GPATCH2: variants seen among roughly 807,000 people sequenced by gnomAD.
GPATCH2 encodes the protein G patch domain-containing protein 2.
GPATCH2 carries 51 observed loss-of-function variants against 58.0 expected under a neutral mutation model. The observed-to-expected ratio is 0.88, with a 90% CI of 0.70 to 1.11. The LOEUF is 1.11. GPATCH2 is among the 50% of genes most tolerant of loss of function. The pLI, the probability that GPATCH2 is intolerant of heterozygous loss-of-function variation, is 0.00. For missense variants in GPATCH2, 625 were observed against 652.2 expected, an observed-to-expected ratio of 0.96 and a Z score of 0.45; for synonymous variants, 222 against 218.5, an observed-to-expected ratio of 1.02 and a Z score of -0.14.
chr1:217,599,761 T>G (rs1375262826), intron 5 of GPATCH2, among the ~76,000 whole-genome samples: 1 of 152,210 alleles, frequency 6.6e-6, no homozygotes, highest in Non-Finnish European at 1.5e-5. Context: ...CTGAGTCAAA[T>G]GTAACATATA....
intron 8 of GPATCH2, among the ~76,000 whole-genome samples, chr1:217,475,664 T>C (rs1006830799): frequency 1.3e-5 from 2 of 151,908 alleles, no homozygotes; most frequent in African/African-American, 4.8e-5. Flanking sequence ...ACAGAGAAAA[T>C]GGCAACTACT....
chr1:217,573,229 A>G (rs1182516975), intron 5 of GPATCH2, among the ~76,000 whole-genome samples: 1 of 152,192 alleles, frequency 6.6e-6, no homozygotes, highest in African/African-American at 2.4e-5. Context: ...TGCACTCAAA[A>G]TTAACCCCAC....
intron 5 of GPATCH2, among the ~76,000 whole-genome samples, chr1:217,543,459 C>T (rs190941245): frequency 2.8e-4 from 42 of 151,890 alleles, no homozygotes; most frequent in African/African-American, 9.9e-4. Flanking sequence ...TTAGTAGAGA[C>T]GGGGTTTCAA....
intron 9 of GPATCH2, among the ~76,000 whole-genome samples, chr1:217,438,316 C>T (rs1024614553): frequency 3.9e-5 from 6 of 152,210 alleles, no homozygotes; most frequent in East Asian, 1.9e-4. Flanking sequence ...AAAACCAGAA[C>T]GCCTCTTCTC....
intron 8 of GPATCH2, among the ~76,000 whole-genome samples, chr1:217,481,692 A>G (rs2102518069): frequency 6.6e-6 from 1 of 152,210 alleles, no homozygotes; most frequent in Admixed American, 6.5e-5. Context: ...CTCCATCTCT[A>G]CAAAAAATAA....
chr1:217,489,305 G>A (rs1661605854), intron 8 of GPATCH2, among the ~76,000 whole-genome samples: 1 of 151,754 alleles, frequency 6.6e-6, no homozygotes, highest in South Asian at 2.1e-4. Flanking sequence ...CACTGGTTTG[G>A]CAATTATATA....
rs1328989869 is a variant in GPATCH2 at position 217,468,580 on chromosome 1, GAGAT to G, written c.1278-19247_1278-19244del. ...ACACACACAGAGAGAAAGAGAAAGA[GAGAT>G]AGAAGAGAGAGCTGGAGAAGGGGAA... On this transcript the variant is annotated intron_variant, in intron 8 of 9. Transcript: ENST00000366935. 1.7e-3 allele frequency among the ~76,000 whole-genome samples: 250 copies of G among 150,686 alleles called. 1 individual carries two copies. Among genetic ancestry groups the G allele is most frequent in the African/African-American group, 5.6e-3 (230 of 40,754 alleles).
chr1:217,557,796 C>A (rs1665718932), intron 5 of GPATCH2, among the ~76,000 whole-genome samples: 1 of 152,142 alleles, frequency 6.6e-6, no homozygotes, highest in Non-Finnish European at 1.5e-5. Context: ...TATCCCTGCA[C>A]CGATACTATA....
At chr1:217,524,111 TGCC>T in intron 5 of GPATCH2, among the ~76,000 whole-genome samples, 1 of 145,412 alleles carries the variant, frequency 6.9e-6, no homozygotes, top group East Asian at 2.1e-4. Context: ...ACGGGGTGGC[TGCC>T]GGGCAGAGAC....
intron 8 of GPATCH2, among the ~76,000 whole-genome samples, chr1:217,479,304 A>T (rs1164514561): frequency 6.6e-6 from 1 of 152,226 alleles, no homozygotes; most frequent in Non-Finnish European, 1.5e-5. Context: ...TGAATAAAAA[A>T]TAATAACTAC....
At chr1:217,484,346 A>G (rs1282288814) in intron 8 of GPATCH2, among the ~76,000 whole-genome samples, 1 of 151,996 alleles carries the variant, frequency 6.6e-6, no homozygotes, top group East Asian at 1.9e-4. Flanking sequence ...GAACTAAAAA[A>G]TTGGCTTTTC....
intron 5 of GPATCH2, among the ~76,000 whole-genome samples, chr1:217,547,411 T>C (rs1182608562): frequency 4.6e-5 from 7 of 152,056 alleles, no homozygotes; most frequent in Admixed American, 1.3e-4. Flanking sequence ...GGAACACTTG[T>C]ACACTGCTGG....
intron 5 of GPATCH2, among the ~76,000 whole-genome samples, chr1:217,603,785 G>C (rs1409745333): frequency 6.6e-6 from 1 of 151,776 alleles, no homozygotes; most frequent in Non-Finnish European, 1.5e-5. Context: ...ACCATGCCCT[G>C]CTAATTTTTG....
At chr1:217,522,465 G>A (rs1663515782) in intron 5 of GPATCH2, among the ~76,000 whole-genome samples, 4 of 152,078 alleles carry the variant, frequency 2.6e-5, no homozygotes, top group Admixed American at 2.0e-4. Context: ...TTAGTAACAA[G>A]CTGTGAGTGG....
intron 5 of GPATCH2, among the ~76,000 whole-genome samples, chr1:217,536,784 G>A (rs1571880009): frequency 6.6e-6 from 1 of 152,228 alleles, no homozygotes; most frequent in Non-Finnish European, 1.5e-5. Context: ...AGACCAGCCT[G>A]ACCAACATGG....
chr1:217,438,854 G>A (rs541181773), intron 9 of GPATCH2, among the ~76,000 whole-genome samples: 8 of 152,214 alleles, frequency 5.3e-5, no homozygotes, highest in East Asian at 1.9e-4. Flanking sequence ...CTGTCTTCTC[G>A]CTGCCAGATT....
intron 5 of GPATCH2, among the ~76,000 whole-genome samples, chr1:217,572,277 CGA>C (rs1041836332): frequency 6.6e-6 from 1 of 151,786 alleles, no homozygotes; most frequent in Non-Finnish European, 1.5e-5. Context: ...CTGTGTAACT[CGA>C]GAGAGTAGAA....
rs1658375242 is a variant in GPATCH2 at position 217,427,308 on chromosome 1, C to T, written c.*3837G>A. On this transcript the variant is annotated 3_prime_UTR_variant, in exon 10 of 10. Transcript: ENST00000366935. The stretch of plus-strand genomic sequence containing the variant: ...AAAATGTGGTAGAGCAGCTCACAAT[C>T]GGCTATGAATACATTTGTGAATCAA... 2 of 152,036 alleles carry T rather than the reference C, an allele frequency of 1.3e-5. No individual in the cohort carries two copies. Among genetic ancestry groups the T allele is most frequent in the Non-Finnish European group, 2.9e-5 (2 of 67,986 alleles). The allele number at this position is 152,036 out of a possible 1,614,324, so 9.4% of individuals were successfully genotyped here.
chr1:217,593,096 T>G (rs1376849644), intron 5 of GPATCH2, among the ~76,000 whole-genome samples: 1 of 151,996 alleles, frequency 6.6e-6, no homozygotes, highest in Non-Finnish European at 1.5e-5. Context: ...AGTTCAAGGG[T>G]ATTAAAATGT....
Sources: allele counts gnomAD v4.1 joint callset (sites outside exome capture counted in the v4.1 genomes callset), GRCh38; gene constraint gnomAD v4.1.1; transcripts MANE v1.5; gene names NCBI Gene and HGNC (gene_info 2026-07-23, HGNC 2026-07-21).